EVC2: variants seen among roughly 807,000 people sequenced by gnomAD.
EVC2 encodes the protein limbin.
EVC2 carries 148 observed loss-of-function variants against 149.3 expected under a neutral mutation model. That is an observed-to-expected ratio of 0.99 (90% CI 0.87 to 1.14). The LOEUF is 1.14. Among genes scored for constraint, EVC2 ranks in the 50% most tolerant of loss-of-function variants. EVC2 has a pLI of 0.00. For synonymous variants in EVC2, 776 were observed against 649.9 expected, an observed-to-expected ratio of 1.19 and a Z score of -2.95; for missense variants, 1,854 against 1,627.3, an observed-to-expected ratio of 1.14 and a Z score of -2.40.
Position 5,640,771 on chromosome 4 carries a change from C to T in EVC2, c.1213G>A (p.Asp405Asn), listed in dbSNP as rs1281421898. ...LEACRTQISK[D>N]IIALLLKNLT... is the part of the protein sequence containing the mutation. ...TTTTTCAGCAGAAGGGCAATGATAT[C>T]CTTGCTGATTTGTGTTCGACAAGCC... Residue 405 changes from aspartate to asparagine, a missense_variant, in exon 10 of 22, where the codon GAT becomes AAT. Physicochemically the swap from Asp to Asn is conservative, Grantham distance 23 (BLOSUM62 1). Coordinates refer to ENST00000344408, the MANE Select transcript of EVC2 (RefSeq NM_147127.5). The surrounding 1 kb of genome is among the most constrained non-coding windows in gnomAD (Gnocchi z 4.6). 11 of 1,614,180 alleles carry T rather than the reference C, an allele frequency of 6.8e-6. No homozygotes were observed. The highest frequency in any genetic ancestry group is 1.7e-5 in the Admixed American group (1 of 60,020).
At chr4:5,604,088 A>G (rs943810036) in intron 16 of EVC2, among the ~76,000 whole-genome samples, 8 of 152,122 alleles carry the variant, frequency 5.3e-5, no homozygotes, top group African/African-American at 1.9e-4. Context: ...TGAAATGGAG[A>G]TAGTAATAGT....
chr4:5,615,571 G>A (rs201912839), intron 15 of EVC2, 27 bp from the exon 16 acceptor site: 7 of 1,614,064 alleles, frequency 4.3e-6, no homozygotes, highest in African/African-American at 1.3e-5. Flanking sequence ...GAAGACGTGG[G>A]TAAGAAGGCA....
Position 5,614,103 on chromosome 4 carries a change from G to A in EVC2, c.2829+1319C>T, listed in dbSNP as rs1715052432. On this transcript the variant is annotated intron_variant, in intron 16 of 21. Transcript: ENST00000344408. The surrounding 1 kb of genome is among the most constrained non-coding windows in gnomAD (Gnocchi z 4.7). ...AATCCACCCTTTGCAGGGTGCTGGG[G>A]AAGGCAGACAGACACTCAGGCTGCG... is the stretch of plus-strand genomic sequence containing the variant. 6.6e-6 allele frequency among the ~76,000 whole-genome samples: 1 copy of A among 152,166 alleles called. No individual in the cohort carries two copies. Among genetic ancestry groups the A allele is most frequent in the East Asian group, 1.9e-4 (1 of 5,192 alleles).
chr4:5,595,645 A>C (rs1713327514), intron 16 of EVC2, among the ~76,000 whole-genome samples: 1 of 152,206 alleles, frequency 6.6e-6, no homozygotes, highest in South Asian at 2.1e-4. Context: ...TGAGGCTAGG[A>C]AGAAACTGCA....
downstream of EVC2, among the ~76,000 whole-genome samples, chr4:5,558,806 A>G (rs1475146063): frequency 2.0e-5 from 3 of 152,204 alleles, no homozygotes; most frequent in Non-Finnish European, 4.4e-5. Flanking sequence ...CCAGGTTATC[A>G]AAACCCTGAT....
chr4:5,531,617 C>T, the EVC2 span, among the ~76,000 whole-genome samples: 4 of 152,082 alleles, frequency 2.6e-5, no homozygotes, highest in African/African-American at 9.7e-5. Flanking sequence ...CTACTGTGAA[C>T]TGCACATGCG....
chr4:5,574,024 A>G (rs4689258), intron 19 of EVC2, among the ~76,000 whole-genome samples: 71,298 of 152,142 alleles, frequency 0.47, 18,600 homozygotes, highest in East Asian at 0.86. Context: ...GGAAAGAATC[A>G]CAGAACATGA....
intron 21 of EVC2, among the ~76,000 whole-genome samples, chr4:5,549,162 A>G (rs1415326915): frequency 6.6e-6 from 1 of 152,214 alleles, no homozygotes; most frequent in African/African-American, 2.4e-5. Flanking sequence ...TACAATTTTT[A>G]TATTAAGATA....
At chr4:5,650,638 T>TATATATATAG (rs1162935817) in intron 9 of EVC2, among the ~76,000 whole-genome samples, 11 of 45,090 alleles carry the variant, frequency 2.4e-4, no homozygotes, top group Non-Finnish European at 2.4e-4. Flanking sequence ...TATATATATA[T>TATATATATAG]AGAGAGAGAG....
chr4:5,641,058 G>A (rs1341493987), intron 9 of EVC2, among the ~76,000 whole-genome samples: 1 of 152,114 alleles, frequency 6.6e-6, no homozygotes, highest in African/African-American at 2.4e-5. Context: ...GTACAAAAAA[G>A]AATATAATCA....
At chr4:5,634,141 T>C (rs1716739150) in intron 10 of EVC2, among the ~76,000 whole-genome samples, 1 of 152,240 alleles carries the variant, frequency 6.6e-6, no homozygotes, top group Non-Finnish European at 1.5e-5. Flanking sequence ...TCAGGACCCT[T>C]GCCCATACTA....
Position 5,622,047 on chromosome 4 carries a change from A to C in EVC2, c.2501+490T>G, listed in dbSNP as rs1398989661. On this transcript the variant is annotated intron_variant, in intron 14 of 21. Transcript: ENST00000344408. The surrounding 1 kb of genome is among the most constrained non-coding windows in gnomAD (Gnocchi z 5.8). ...GATGATGCAGTGTGGTGGAAGAACT[A>C]ACACGAAGGTCAAGATCATGAGCAG... is the stretch of plus-strand genomic sequence containing the variant. Among the ~76,000 whole-genome samples the C allele has an allele frequency of 1.3e-5, 2 of 151,976 alleles. No homozygotes were observed. The highest frequency in any genetic ancestry group is 1.5e-5 in the Non-Finnish European group (1 of 67,988).
intron 19 of EVC2, among the ~76,000 whole-genome samples, 161 bp from the exon 20 acceptor site, chr4:5,568,801 A>G (rs1722472976): frequency 6.6e-6 from 1 of 152,184 alleles, no homozygotes; most frequent in African/African-American, 2.4e-5. Context: ...CTGTCAAAAA[A>G]AACCTATTTG....
At chr4:5,533,452 T>G in the EVC2 span, among the ~76,000 whole-genome samples, 1 of 152,050 alleles carries the variant, frequency 6.6e-6, no homozygotes, top group Non-Finnish European at 1.5e-5. Flanking sequence ...ATGGGTCCAG[T>G]TGGATGGCTT....
Position 5,696,125 on chromosome 4 carries a change from C to T in EVC2, c.283+1468G>A, listed in dbSNP as rs1451125271. Among the ~76,000 whole-genome samples the T allele has an allele frequency of 4.6e-5, 7 of 152,130 alleles. No homozygotes were observed. Among genetic ancestry groups the T allele is most frequent in the African/African-American group, 1.2e-4 (5 of 41,416 alleles). On this transcript the variant is annotated intron_variant, in intron 2 of 21. Coordinates refer to ENST00000344408, the MANE Select transcript of EVC2 (RefSeq NM_147127.5). This position sits in a 1 kb window ranked among gnomAD's most constrained non-coding sequence, Gnocchi z 4.1. ...TAGAGCATATGGGTGCAAGTGAGAC[C>T]GGACATCCATCTCCGGACCCCAGCA...
intron 16 of EVC2, among the ~76,000 whole-genome samples, chr4:5,587,738 A>G (rs953059173): frequency 1.3e-5 from 2 of 152,180 alleles, no homozygotes; most frequent in Admixed American, 1.3e-4. Context: ...AAGGGGGTCC[A>G]TGTGAGAGGG....
At chr4:5,594,970 G>A (rs887677666) in intron 16 of EVC2, among the ~76,000 whole-genome samples, 1 of 152,180 alleles carries the variant, frequency 6.6e-6, no homozygotes, top group Non-Finnish European at 1.5e-5. Context: ...GGCTATCAGT[G>A]ACGGAAGATG....
At chr4:5,675,847 G>A (rs1317112772) in intron 7 of EVC2, among the ~76,000 whole-genome samples, 3 of 152,150 alleles carry the variant, frequency 2.0e-5, no homozygotes, top group African/African-American at 7.2e-5. Context: ...AGGAGGCCGA[G>A]GCAGGAGAAT....
chr4:5,672,950 C>T (rs527529739), intron 7 of EVC2, among the ~76,000 whole-genome samples: 1 of 152,124 alleles, frequency 6.6e-6, no homozygotes, highest in Non-Finnish European at 1.5e-5. Context: ...GTCGGCAAAT[C>T]CAGAGACAGA....
Sources: allele counts gnomAD v4.1 joint callset (sites outside exome capture counted in the v4.1 genomes callset), GRCh38; gene constraint gnomAD v4.1.1; non-coding constraint Gnocchi (gnomAD v3.1); transcripts MANE v1.5; gene names NCBI Gene and HGNC (gene_info 2026-07-23, HGNC 2026-07-21).